NR2F1-AS1: variants seen among roughly 807,000 people sequenced by gnomAD.
The protein encoded by NR2F1-AS1 is NR2F1 regulatory antisense RNA 1.
chr5:93,436,524 C>T (rs1749435313), intron 4 of NR2F1-AS1, among the ~76,000 whole-genome samples: 1 of 152,156 alleles, frequency 6.6e-6, no homozygotes, highest in South Asian at 2.1e-4. Context: ...TCTAAAACCA[C>T]TAACATATTT....
At chr5:93,568,295 C>T (rs1207897608) in intron 1 of NR2F1-AS1, among the ~76,000 whole-genome samples, 1 of 152,098 alleles carries the variant, frequency 6.6e-6, no homozygotes, top group African/African-American at 2.4e-5. Flanking sequence ...AAATGTACAG[C>T]AGTATATTCA....
intron 4 of NR2F1-AS1, among the ~76,000 whole-genome samples, chr5:93,430,861 T>TCATCATCATCATCATCATCATCATC (rs1749296804): frequency 6.7e-6 from 1 of 149,522 alleles, no homozygotes; most frequent in Admixed American, 6.6e-5. Flanking sequence ...TCCCTTGCTT[T>TCATCATCATCATCATCATCATCATC]ATCATCATCA....
At position 93,433,401 on chromosome 5, in the gene NR2F1-AS1, C is replaced by A. The variant is rs556295189; in HGVS notation, n.639-37859G>T. 3.3e-5 allele frequency among the ~76,000 whole-genome samples: 5 copies of A among 152,270 alleles called. No individual in the cohort carries two copies. The South Asian group carries it at 1.0e-3, about 32-fold the overall frequency. On this transcript the variant is annotated intron_variant and non_coding_transcript_variant, in intron 4 of 5. Transcript: ENST00000660523. ...TGTTCTTCTCAAAGTACTACACTGA[C>A]TGGAGATTATGTTGTTAACTCTAAG...
At chr5:93,509,677 A>G (rs1315439718) in intron 4 of NR2F1-AS1, among the ~76,000 whole-genome samples, 1 of 152,026 alleles carries the variant, frequency 6.6e-6, no homozygotes. Context: ...ACATGTCAAA[A>G]TACTTAACAT....
intron 4 of NR2F1-AS1, among the ~76,000 whole-genome samples, chr5:93,530,389 T>A (rs922931497): frequency 8.5e-5 from 13 of 152,208 alleles, no homozygotes; most frequent in African/African-American, 2.4e-5. Flanking sequence ...ATATTCATTC[T>A]AGCCATGGCT....
intron 4 of NR2F1-AS1, among the ~76,000 whole-genome samples, chr5:93,490,319 T>C (rs773597212): frequency 4.6e-5 from 7 of 152,244 alleles, no homozygotes; most frequent in African/African-American, 9.6e-5. Flanking sequence ...AAATAAATAT[T>C]TGGGCTATCT....
chr5:93,570,721 C>T (rs920390478), intron 1 of NR2F1-AS1: 1 of 152,284 alleles, frequency 6.6e-6, no homozygotes, highest in African/African-American at 2.4e-5. Flanking sequence ...GGCCTCTAGC[C>T]TTCCGCCGAC....
chr5:93,512,349 G>T (rs148791834), intron 4 of NR2F1-AS1, among the ~76,000 whole-genome samples: 63 of 152,274 alleles, frequency 4.1e-4, no homozygotes, highest in African/African-American at 1.4e-3. Context: ...TGTACAATGT[G>T]TTTATGTTTT....
chr5:93,445,413 A>G (rs1749676572), intron 4 of NR2F1-AS1, among the ~76,000 whole-genome samples: 2 of 152,170 alleles, frequency 1.3e-5, no homozygotes, highest in African/African-American at 2.4e-5. Context: ...AGAATACTAC[A>G]AACACCTCTA....
intron 4 of NR2F1-AS1, among the ~76,000 whole-genome samples, chr5:93,528,336 A>C (rs1751665270): frequency 6.6e-6 from 1 of 152,224 alleles, no homozygotes; most frequent in Non-Finnish European, 1.5e-5. Context: ...ATACAAATCA[A>C]AACCACAATG....
chr5:93,496,805 T>C (rs903180061), intron 4 of NR2F1-AS1, among the ~76,000 whole-genome samples: 1 of 152,224 alleles, frequency 6.6e-6, no homozygotes, highest in African/African-American at 2.4e-5. Flanking sequence ...AATCCTTTTA[T>C]AGGAGTCAGC....
chr5:93,570,063 G>C (rs1752715239), intron 1 of NR2F1-AS1: 1 of 152,210 alleles, frequency 6.6e-6, no homozygotes. Context: ...TCTAAACTGA[G>C]AGATTACAAA....
intron 4 of NR2F1-AS1, among the ~76,000 whole-genome samples, chr5:93,510,690 T>A (rs1751277354): frequency 6.6e-6 from 1 of 152,164 alleles, no homozygotes. Context: ...TGTTTTTAAT[T>A]CACAAAAATC....
chr5:93,542,986 A>C (rs148616199), intron 4 of NR2F1-AS1: 3 of 152,420 alleles, frequency 2.0e-5, no homozygotes, highest in African/African-American at 7.2e-5. Flanking sequence ...GAAATGGCAA[A>C]GGAGGGAAAC....
At chr5:93,427,748 T>A (rs1221956881) in intron 4 of NR2F1-AS1, among the ~76,000 whole-genome samples, 1 of 152,180 alleles carries the variant, frequency 6.6e-6, no homozygotes, top group South Asian at 2.1e-4. Flanking sequence ...CACATTCACA[T>A]GTAAATTAAA....
intron 4 of NR2F1-AS1, among the ~76,000 whole-genome samples, chr5:93,430,848 G>A (rs1749296421): frequency 8.0e-6 from 1 of 124,276 alleles, no homozygotes; most frequent in Non-Finnish European, 1.7e-5. Context: ...TGTTGTCACT[G>A]TCTCCCTTGC....
At chr5:93,437,791 T>C (rs562208271) in intron 4 of NR2F1-AS1, among the ~76,000 whole-genome samples, 1 of 152,370 alleles carries the variant, frequency 6.6e-6, no homozygotes, top group East Asian at 1.9e-4. Context: ...AGCCAAAGTT[T>C]ATATATTTTA....
At chr5:93,498,917 G>A (rs536065022) in intron 4 of NR2F1-AS1, among the ~76,000 whole-genome samples, 1 of 152,106 alleles carries the variant, frequency 6.6e-6, no homozygotes, top group Non-Finnish European at 1.5e-5. Flanking sequence ...GTAATTATAT[G>A]TATTACCCTT....
chr5:93,536,268 G>A (rs1751837617), intron 4 of NR2F1-AS1, among the ~76,000 whole-genome samples: 1 of 152,024 alleles, frequency 6.6e-6, no homozygotes, highest in Admixed American at 6.6e-5. Context: ...AAACTATAAA[G>A]CACTGATGAA....
Sources: gnomAD v4.1 joint callset for allele counts (sites outside exome capture counted in the v4.1 genomes callset) on GRCh38, gnomAD v4.1.1 for gene constraint, MANE v1.5 for transcripts, NCBI Gene and HGNC (gene_info 2026-07-23, HGNC 2026-07-21) for gene names.